Variants in MFAP2 observed in about 807,000 individuals in gnomAD.
MFAP2 encodes microfibrillar-associated protein 2.
A neutral mutation model predicts 30.6 loss-of-function variants in MFAP2; 23 were observed. The observed-to-expected ratio is 0.75, with a 90% CI of 0.54 to 1.07. The LOEUF is 1.07. MFAP2 is among the 50% of genes least tolerant of loss of function. The probability of loss-of-function intolerance (pLI) is 0.00; values close to 1 mark genes in which losing one functional copy is unlikely to be tolerated. For missense variants in MFAP2, 198 were observed against 223.8 expected, an observed-to-expected ratio of 0.88 and a Z score of 0.74; for synonymous variants, 73 against 85.7, an observed-to-expected ratio of 0.85 and a Z score of 0.82.
chr1:16,975,491 TC>T lies in MFAP2; in HGVS notation c.375-150del. The T allele has an allele frequency of 8.3e-7, 1 of 1,201,658 alleles. No homozygotes were observed. Among genetic ancestry groups the T allele is most frequent in the Non-Finnish European group, 1.2e-6 (1 of 826,716 alleles). The allele number at this position is 1,201,658 out of a possible 1,614,324, so 74.4% of individuals were successfully genotyped here. On this transcript the variant is annotated intron_variant, in intron 7 of 8. Coordinates refer to ENST00000375535, the MANE Select transcript of MFAP2 (RefSeq NM_002403.4). The surrounding 1 kb of genome is among the most constrained non-coding windows in gnomAD (Gnocchi z 5.0). ...CACTGGAGCCCAGGAGTGGAGGAGG[TC>T]CCTGGCCCAGGCTCAACCACAGAAC... is the stretch of plus-strand genomic sequence containing the variant.
chr1:16,976,483 T>A lies in MFAP2; in HGVS notation c.286+18A>T, dbSNP rs1343444299. The A allele has an allele frequency of 6.2e-7, 1 of 1,614,056 alleles. No individual in the cohort carries two copies. The highest frequency in any genetic ancestry group is 8.5e-7 in the Non-Finnish European group (1 of 1,180,008). ...CAGGGCGTGCCTCCATTTTTCCAGC[T>A]GTCAAGAAAGCCCTTACCAAGAGGC... On this transcript the variant is annotated intron_variant, in intron 6 of 8. Transcript: ENST00000375535. This position sits in a 1 kb window ranked among gnomAD's most constrained non-coding sequence, Gnocchi z 5.5.
intron 2 of MFAP2, chr1:16,977,515 C>T (rs1029148047): frequency 1.0e-5 from 3 of 300,204 alleles, no homozygotes; most frequent in African/African-American, 4.3e-5. Context: ...CTGCTCAGCT[C>T]CTTCAGGTCT....
Position 16,978,237 on chromosome 1 carries a change from C to T in MFAP2, c.37G>A (p.Ala13Thr), listed in dbSNP as rs2100586415. 4.4e-6 allele frequency: 7 copies of T among 1,573,374 alleles called. No individual in the cohort carries two copies. In the East Asian group the frequency reaches 6.9e-5, roughly 15 times the overall value. ...AAYLFLLFLP[A>T]GLLAQGQYDL... Reference sequence around the variant, plus strand: ...ACCCCCTGCCCCAGGAGCCACTTACCAGGCAGGAATAGCAGGAAGAGGTAG... The same window carrying T: ...ACCCCCTGCCCCAGGAGCCACTTACTAGGCAGGAATAGCAGGAAGAGGTAG... The change falls in exon 2 of 9, where the codon GCA (alanine) becomes ACA (threonine). Residue 13 changes from alanine (A) to threonine (T), a missense_variant and splice_region_variant. Ala to Thr is a moderately conservative substitution (Grantham distance 58). Transcript: ENST00000375535.
rs2076582929 is a variant in MFAP2 at position 16,975,522 on chromosome 1, C to A, written c.374+121G>T. On this transcript the variant is annotated intron_variant, in intron 7 of 8. Coordinates refer to ENST00000375535, the MANE Select transcript of MFAP2 (RefSeq NM_002403.4). This position sits in a 1 kb window ranked among gnomAD's most constrained non-coding sequence, Gnocchi z 5.0. ...GCCCAGGCTCAACCACAGAACTGAG[C>A]TCAACTTAAGGACTCACTATCTTTC... 1 of 1,259,606 alleles carries A rather than the reference C, an allele frequency of 7.9e-7. No homozygotes were observed. The highest frequency in any genetic ancestry group is 1.1e-6 in the Non-Finnish European group (1 of 877,052). 78.0% of individuals were successfully genotyped at this position (1,259,606 alleles called of 1,614,324 possible). A position where few individuals can be genotyped will look rare whatever the true frequency, so the allele number is the denominator to read the frequency against.
In MFAP2 at chr1:16,975,364, G is replaced by A. The variant is rs2076581241; in HGVS notation, c.375-22C>T. 6.2e-7 allele frequency: 1 copy of A among 1,610,918 alleles called. No homozygotes were observed. Among genetic ancestry groups the A allele is most frequent in the Non-Finnish European group, 8.5e-7 (1 of 1,178,306 alleles). On this transcript the variant is annotated intron_variant, in intron 7 of 8. Transcript: ENST00000375535. This position sits in a 1 kb window ranked among gnomAD's most constrained non-coding sequence, Gnocchi z 5.0. The stretch of plus-strand genomic sequence containing the variant: ...GAGGCTGCGGGGACAGGGCACGGGA[G>A]GTCTCAGCCCCACTTCCACCCAATC...
In MFAP2 at chr1:16,975,264, C is replaced by T; in HGVS notation, c.448+5G>A. The T allele has an allele frequency of 6.2e-7, 1 of 1,612,796 alleles. No homozygotes were observed. The highest frequency in any genetic ancestry group is 8.5e-7 in the Non-Finnish European group (1 of 1,179,260). ...GGGGAGGTCTTGGGGAGGTGGCCTT[C>T]CTACCTCGGAGGAGCTCCTCATGGG... On this transcript the variant is annotated splice_donor_5th_base_variant and intron_variant, in intron 8 of 8. Transcript: ENST00000375535. This position sits in a 1 kb window ranked among gnomAD's most constrained non-coding sequence, Gnocchi z 5.0.
Position 16,977,177 on chromosome 1 carries a change from T to G in MFAP2, c.59A>C (p.Gln20Pro). 6.2e-7 allele frequency: 1 copy of G among 1,613,456 alleles called. No homozygotes were observed. The highest frequency in any genetic ancestry group is 8.5e-7 in the Non-Finnish European group (1 of 1,179,910). The change falls in exon 3 of 9, where the codon CAG (glutamine) becomes CCG (proline). Residue 20 changes from glutamine (Q) to proline (P), a missense_variant. Gln to Pro is a moderately conservative substitution (Grantham distance 76). Coordinates refer to ENST00000375535, the MANE Select transcript of MFAP2 (RefSeq NM_002403.4). ...FLPAGLLAQG[Q>P]YDLDPLPPFP... is the part of the protein sequence containing the mutation. ...CGGCGGCAGCGGGTCCAGGTCATAC[T>G]GGCCCTGAGCCAGCAAGCCTGCTGT...
intron 1 of MFAP2, among the ~76,000 whole-genome samples, chr1:16,980,267 A>ACACCCCCCCCCCCCC (rs1557656639): frequency 1.2e-4 from 10 of 80,296 alleles, no homozygotes; most frequent in Non-Finnish European, 1.4e-4. Flanking sequence ...TTCCCACCGG[A>ACACCCCCCCCCCCCC]CCCCCCCCCC....
At chr1:16,977,015 C>G (rs2076598520) in intron 3 of MFAP2, 92 bp from the exon 4 acceptor site, 1 of 1,611,780 alleles carries the variant, frequency 6.2e-7, no homozygotes, top group Admixed American at 1.7e-5. Flanking sequence ...CAGGGACCAA[C>G]CCCCAGAGTT....
At chr1:16,977,067 C>T (rs376214842) in intron 3 of MFAP2, 42 bp downstream of exon 3, 9 of 1,612,942 alleles carry the variant, frequency 5.6e-6, no homozygotes, top group South Asian at 2.2e-5. Context: ...GAGCCAGGCA[C>T]ATCTGAGCAG....
At position 16,976,042 on chromosome 1, in the gene MFAP2, A is replaced by C; in HGVS notation, c.287-312T>G. The C allele has an allele frequency of 2.1e-6, 1 of 474,774 alleles. No individual in the cohort carries two copies. Among genetic ancestry groups the C allele is most frequent in the South Asian group, 2.3e-5 (1 of 42,806 alleles). The allele number at this position is 474,774 out of a possible 1,614,324, so 29.4% of individuals were successfully genotyped here. ...GACGTGCCCACGCTCACAGAAGCCC[A>C]CATAGGAGCGCTCACACCAACCCAC... On this transcript the variant is annotated intron_variant, in intron 6 of 8. Transcript: ENST00000375535. The surrounding 1 kb of genome is among the most constrained non-coding windows in gnomAD (Gnocchi z 5.5).
chr1:16,975,653 A>G lies in MFAP2; in HGVS notation c.364T>C (p.Cys122Arg). Residue 122 changes from cysteine (C) to arginine (R), a missense_variant, in exon 7 of 9, where the codon TGC becomes CGC. Transcript: ENST00000375535. The surrounding 1 kb of genome is among the most constrained non-coding windows in gnomAD (Gnocchi z 5.0). ...CCCATCTGTGCTCACCTGTAGAAGCAGACCTCGTTGAGACACTGTTTGCAA... is the reference window on the plus strand; with the variant it reads ...CCCATCTGTGCTCACCTGTAGAAGCGGACCTCGTTGAGACACTGTTTGCAA... ...RPCKQCLNEVCFYSLRRVYVI... is the reference protein window; with the variant it reads ...RPCKQCLNEVRFYSLRRVYVI... 6.2e-7 allele frequency: 1 copy of G among 1,614,068 alleles called. No homozygotes were observed. The highest frequency in any genetic ancestry group is 2.2e-5 in the East Asian group (1 of 44,876).
chr1:16,974,896 A>T lies in MFAP2; in HGVS notation c.*24T>A. ...GAGGGCCCCAGATCCCAGGAGGGCCAGGACTCAGGATGCCAGCACCACCCT... is the reference window on the plus strand; with the variant it reads ...GAGGGCCCCAGATCCCAGGAGGGCCTGGACTCAGGATGCCAGCACCACCCT... On this transcript the variant is annotated 3_prime_UTR_variant, in exon 9 of 9. Coordinates refer to ENST00000375535, the MANE Select transcript of MFAP2 (RefSeq NM_002403.4). 2 of 642,540 alleles carry T rather than the reference A, an allele frequency of 3.1e-6. No homozygotes were observed. The allele number at this position is 642,540 out of a possible 1,614,324, so 39.8% of individuals were successfully genotyped here.
rs959395497 is a variant in MFAP2, at chr1:16,976,864, C to T, written c.154+33G>A. On this transcript the variant is annotated intron_variant, in intron 4 of 8. Transcript: ENST00000375535. This position sits in a 1 kb window ranked among gnomAD's most constrained non-coding sequence, Gnocchi z 5.5. ...CCAGGGGGTCTCCCCACCCCAGCTG[C>T]CGGCCCGTCCTATCCTACCCCTAGC... is the stretch of plus-strand genomic sequence containing the variant. The T allele has an allele frequency of 3.1e-6, 5 of 1,613,954 alleles. No individual in the cohort carries two copies. The African/African-American group carries it at 6.7e-5, about 22-fold the overall frequency.
At chr1:16,977,952 GGCCTTGT>G (rs1448049058) in intron 2 of MFAP2, 2 of 385,200 alleles carry the variant, frequency 5.2e-6, no homozygotes, top group South Asian at 3.3e-5. Context: ...CTCCCAGAGA[GGCCTTGT>G]GCCTTGTGCC....
At chr1:16,977,238 G>A in intron 2 of MFAP2, 40 bp from the exon 3 acceptor site, 5 of 1,598,084 alleles carry the variant, frequency 3.1e-6, no homozygotes, top group East Asian at 2.3e-5. Flanking sequence ...CCATCGGGAG[G>A]GGCAACGGGG....
At position 16,975,730 on chromosome 1, in the gene MFAP2, T is replaced by G. The variant is rs1347124333; in HGVS notation, c.287A>C (p.Asp96Ala). 1 of 1,612,972 alleles carries G rather than the reference T, an allele frequency of 6.2e-7. No individual in the cohort carries two copies. Among genetic ancestry groups the G allele is most frequent in the Non-Finnish European group, 8.5e-7 (1 of 1,179,518 alleles). ...ELEPTEPGPL[D>A]CREEQYPCTR... is the part of the protein sequence containing the mutation. ...GCACGGGTACTGTTCCTCACGGCAG[T>G]CTGGTGACAGGTGGGGTCAGACTAG... Residue 96 changes from aspartate (D) to alanine (A), a missense_variant and splice_region_variant, in exon 7 of 9, where the codon GAC becomes GCC. By Grantham distance (126) the Asp-to-Ala change is moderately radical. Coordinates refer to ENST00000375535, the MANE Select transcript of MFAP2 (RefSeq NM_002403.4). This position sits in a 1 kb window ranked among gnomAD's most constrained non-coding sequence, Gnocchi z 5.0.
At chr1:16,977,527 C>T in intron 2 of MFAP2, 3 of 271,792 alleles carry the variant, frequency 1.1e-5, no homozygotes, top group Non-Finnish European at 2.1e-5. Context: ...TTCAGGTCTT[C>T]CCTGGAATTT....
At chr1:16,978,073 T>C in intron 2 of MFAP2, 164 bp downstream of exon 2, 1 of 682,742 alleles carries the variant, frequency 1.5e-6, no homozygotes, top group East Asian at 3.1e-5. Context: ...GCTGCCAGGG[T>C]TGGCTGGTCC....
Sources: gnomAD v4.1 joint callset for allele counts (sites outside exome capture counted in the v4.1 genomes callset) on GRCh38, gnomAD v4.1.1 for gene constraint, Gnocchi (gnomAD v3.1) non-coding constraint, MANE v1.5 for transcripts, NCBI Gene and HGNC (gene_info 2026-07-23, HGNC 2026-07-21) for gene names.